The following ACOT13 variants were observed in gnomAD, a reference collection of about 807,000 sequenced individuals.
ACOT13 encodes the protein acyl-coenzyme A thioesterase 13.
Under a neutral mutation model 11.8 loss-of-function variants are expected in ACOT13, and 10 were observed. That is an observed-to-expected ratio of 0.85 (90% confidence interval 0.53 to 1.44). ACOT13 has a LOEUF of 1.44. ACOT13 is among the 40% of genes most tolerant of loss of function. ACOT13 has a pLI of 0.00. For missense variants in ACOT13, 172 were observed against 174.1 expected, an observed-to-expected ratio of 0.99 and a Z score of 0.07; for synonymous variants, 53 against 61.0, an observed-to-expected ratio of 0.87 and a Z score of 0.61.
Position 24,701,670 on chromosome 6 carries a change from G to T in ACOT13, c.*55G>T. ...AACAATGAATATCAAGTATAGATTT[G>T]ACTCAAACAATTGTAATTTTTGAAA... On this transcript the variant is annotated 3_prime_UTR_variant, in exon 3 of 3. Transcript: ENST00000230048. 2 of 1,475,936 alleles carry T rather than the reference G, an allele frequency of 1.4e-6. No individual in the cohort carries two copies. Among genetic ancestry groups the T allele is most frequent in the South Asian group, 2.8e-5 (2 of 72,610 alleles). The allele number at this position is 1,475,936 out of a possible 1,614,324, so 91.4% of individuals were successfully genotyped here.
rs7770027 is a variant in ACOT13 at position 24,695,195 on chromosome 6, T to C, written c.82-2688T>C. ...ATGGTGGCACGCACCTGTAGTCCCA[T>C]CTACTCAGGAGGCTGAGGCAGGAGA... On this transcript the variant is annotated intron_variant, in intron 1 of 2. Transcript: ENST00000230048. Among the ~76,000 whole-genome samples, 160 of 151,984 alleles carry C rather than the reference T, an allele frequency of 1.1e-3. 1 individual carries two copies. The highest frequency in any genetic ancestry group is 3.6e-3 in the African/African-American group (151 of 41,470).
intron 1 of ACOT13, among the ~76,000 whole-genome samples, chr6:24,681,924 G>A (rs973907715): frequency 6.6e-6 from 1 of 152,208 alleles, no homozygotes; most frequent in Non-Finnish European, 1.5e-5. Context: ...AGGTAGGGGC[G>A]CACCCATGGG....
intron 1 of ACOT13, among the ~76,000 whole-genome samples, chr6:24,683,718 T>A: frequency 3.2e-5 from 1 of 31,554 alleles, no homozygotes; most frequent in Non-Finnish European, 5.2e-5. Flanking sequence ...GGCTTCCAGG[T>A]CACAGGTAGG....
chr6:24,686,877 A>T (rs1487568483), intron 1 of ACOT13, among the ~76,000 whole-genome samples: 1 of 151,926 alleles, frequency 6.6e-6, no homozygotes, highest in African/African-American at 2.4e-5. Context: ...AATTTTTAAA[A>T]TTTTTTGTAA....
Position 24,705,034 on chromosome 6 carries a change from AT to A in ACOT13, c.*3420del, listed in dbSNP as rs1385539968. The A allele has an allele frequency of 6.6e-6, 1 of 151,824 alleles. No homozygotes were observed. 9.4% of individuals were successfully genotyped at this position (151,824 alleles called of 1,614,324 possible). ...CATTCAGATTTACTCCAATAAAAGT[AT>A]GCAACCCTTAAGCAAAGCTTTTCTT... is the stretch of plus-strand genomic sequence containing the variant. On this transcript the variant is annotated 3_prime_UTR_variant, in exon 3 of 3. Coordinates refer to ENST00000230048, the MANE Select transcript of ACOT13 (RefSeq NM_018473.4).
At chr6:24,673,222 C>A (rs1390406216) in intron 1 of ACOT13, among the ~76,000 whole-genome samples, 4 of 151,882 alleles carry the variant, frequency 2.6e-5, no homozygotes, top group African/African-American at 9.7e-5. Flanking sequence ...TTCTGCAATG[C>A]ACAGAACATG....
intron 2 of ACOT13, among the ~76,000 whole-genome samples, chr6:24,700,141 C>T (rs980488253): frequency 6.6e-6 from 1 of 152,146 alleles, no homozygotes; most frequent in Non-Finnish European, 1.5e-5. Flanking sequence ...TAAAAACAAG[C>T]GAGGTTCCAA....
At chr6:24,684,793 A>G (rs1555086) in intron 1 of ACOT13, among the ~76,000 whole-genome samples, 116,583 of 151,966 alleles carry the variant, frequency 0.77, 45,472 homozygotes, top group African/African-American at 0.91. Flanking sequence ...TGGGAAGGTT[A>G]CTTGAGGCTA....
intron 1 of ACOT13, among the ~76,000 whole-genome samples, chr6:24,668,123 C>G (rs1425816266): frequency 6.6e-6 from 1 of 151,014 alleles, no homozygotes; most frequent in African/African-American, 2.4e-5. Context: ...GGTCAGGCTG[C>G]TCTCGAACTC....
In ACOT13 at chr6:24,672,405, C is replaced by T. The variant is rs554157873; in HGVS notation, c.81+5061C>T. Among the ~76,000 whole-genome samples, 90 of 152,308 alleles carry T rather than the reference C, an allele frequency of 5.9e-4. 1 individual carries two copies. The highest frequency in any genetic ancestry group is 2.0e-3 in the African/African-American group (82 of 41,566). The stretch of plus-strand genomic sequence containing the variant: ...CCTATAATCCCAGCACTTTGGGAGG[C>T]CGAGGTGGGCAGATCAGGAGGTCAG... On this transcript the variant is annotated intron_variant, in intron 1 of 2. Transcript: ENST00000230048.
At position 24,704,821 on chromosome 6, in the gene ACOT13, A is replaced by G. The variant is rs914816096; in HGVS notation, c.*3206A>G. On this transcript the variant is annotated 3_prime_UTR_variant, in exon 3 of 3. Transcript: ENST00000230048. ...GAAATAATTCTCTAAGGTGACCAGT[A>G]ACATCAGTGAAATGGAAAGAAAAAG... The G allele has an allele frequency of 1.3e-5, 2 of 152,218 alleles. No homozygotes were observed. Among genetic ancestry groups the G allele is most frequent in the South Asian group, 4.1e-4 (2 of 4,830 alleles). The allele number at this position is 152,218 out of a possible 1,614,324, so 9.4% of individuals were successfully genotyped here. A position where few individuals can be genotyped will look rare whatever the true frequency, so the allele number is the denominator to read the frequency against.
chr6:24,687,778 T>G, intron 1 of ACOT13: 1 of 1,323,182 alleles, frequency 7.6e-7, no homozygotes, highest in Non-Finnish European at 1.0e-6. Context: ...TGGTACGATC[T>G]TGGCTCAACT....
At chr6:24,680,684 T>G (rs1200187892) in intron 1 of ACOT13, among the ~76,000 whole-genome samples, 1 of 152,144 alleles carries the variant, frequency 6.6e-6, no homozygotes, top group Non-Finnish European at 1.5e-5. Context: ...GCTTTTGCGC[T>G]CAGGGGTGAG....
In ACOT13 at chr6:24,703,215, T is replaced by C. The variant is rs1190327891; in HGVS notation, c.*1600T>C. The C allele has an allele frequency of 6.6e-6, 1 of 152,218 alleles. No individual in the cohort carries two copies. Among genetic ancestry groups the C allele is most frequent in the East Asian group, 1.9e-4 (1 of 5,202 alleles). The allele number at this position is 152,218 out of a possible 1,614,324, so 9.4% of individuals were successfully genotyped here. A position where few individuals can be genotyped will look rare whatever the true frequency, so the allele number is the denominator to read the frequency against. On this transcript the variant is annotated 3_prime_UTR_variant, in exon 3 of 3. Coordinates refer to ENST00000230048, the MANE Select transcript of ACOT13 (RefSeq NM_018473.4). ...TTCTGTCAGGGAATCTTAATGAACATTTCATGACTAAAGACTAAAAAGGAT... is the reference window on the plus strand; with the variant it reads ...TTCTGTCAGGGAATCTTAATGAACACTTCATGACTAAAGACTAAAAAGGAT...
chr6:24,693,421 C>T (rs1778746538), intron 1 of ACOT13, among the ~76,000 whole-genome samples: 1 of 152,148 alleles, frequency 6.6e-6, no homozygotes, highest in Non-Finnish European at 1.5e-5. Context: ...CAGCCAGCAG[C>T]AGTTACAGTG....
intron 1 of ACOT13, among the ~76,000 whole-genome samples, chr6:24,694,617 T>A (rs1312908108): frequency 6.6e-6 from 1 of 152,144 alleles, no homozygotes; most frequent in Non-Finnish European, 1.5e-5. Context: ...CTCTCCCTAC[T>A]CCCCTTCCTC....
chr6:24,701,502 GCA>G lies in ACOT13; in HGVS notation c.313_314del (p.His105CysfsTer53). 1 of 1,613,008 alleles carries G rather than the reference GCA, an allele frequency of 6.2e-7. No homozygotes were observed. The highest frequency in any genetic ancestry group is 1.7e-4 in the Middle Eastern group (1 of 6,048). On this transcript the variant is annotated frameshift_variant, in exon 3 of 3. Transcript: ENST00000230048. LOFTEE classifies it high-confidence loss of function. ...ATTAGGAGAAGATATAGTGATTACA[GCA>G]CATGTTCTGAAGCAAGGAAAAACAC... ...AKLGEDIVITAHVLKQGKTLA... is the reference protein window; with the variant it reads ...AKLGEDIVITXHVLKQGKTLA...
rs879134527 is a variant in ACOT13, at chr6:24,667,399, C to G, written c.81+55C>G. The G allele has an allele frequency of 7.9e-6, 12 of 1,522,822 alleles. No homozygotes were observed. The South Asian group carries it at 8.0e-5, about 10-fold the overall frequency. 94.3% of individuals were successfully genotyped at this position (1,522,822 alleles called of 1,614,324 possible). A position where few individuals can be genotyped will look rare whatever the true frequency, so the allele number is the denominator to read the frequency against. On this transcript the variant is annotated intron_variant, in intron 1 of 2. Coordinates refer to ENST00000230048, the MANE Select transcript of ACOT13 (RefSeq NM_018473.4). ...CTTCTAATGAAGGAAAAGAAAGCACCGTGCTTGGTGCCGTTGTGAGCTTTG... is the reference window on the plus strand; with the variant it reads ...CTTCTAATGAAGGAAAAGAAAGCACGGTGCTTGGTGCCGTTGTGAGCTTTG...
At chr6:24,690,057 T>C (rs1778697782) in intron 1 of ACOT13, among the ~76,000 whole-genome samples, 1 of 152,146 alleles carries the variant, frequency 6.6e-6, no homozygotes, top group South Asian at 2.1e-4. Flanking sequence ...AGTTTTTACT[T>C]GGCCATCCTA....
Sources: gnomAD v4.1 joint callset for allele counts (sites outside exome capture counted in the v4.1 genomes callset) on GRCh38, gnomAD v4.1.1 for gene constraint, MANE v1.5 for transcripts, NCBI Gene and HGNC (gene_info 2026-07-23, HGNC 2026-07-21) for gene names.